Variants in RFX6 observed in about 807,000 individuals in gnomAD.
The protein encoded by RFX6 is regulatory factor X6, also known as DNA-binding protein RFX6.
A neutral mutation model predicts 110.8 loss-of-function variants in RFX6; 50 were observed. The observed-to-expected ratio is 0.45, with a 90% CI of 0.36 to 0.57. The LOEUF (loss-of-function observed/expected upper bound fraction) is 0.57. RFX6 is among the 20% of genes least tolerant of loss of function. The probability of loss-of-function intolerance (pLI) is 0.00; values close to 1 mark genes in which losing one functional copy is unlikely to be tolerated. For synonymous variants in RFX6, 383 were observed against 411.2 expected, an observed-to-expected ratio of 0.93 and a Z score of 0.83; for missense variants, 990 against 1,127.0, an observed-to-expected ratio of 0.88 and a Z score of 1.74.
chr6:116,916,217 TAC>T lies in RFX6; in HGVS notation c.878_879del (p.His293LeufsTer7), dbSNP rs762966411. ...TGCAACTAGATCCAGCATTTTTTAT[TAC>T]ACTTTTGGCAAGGAATGCCTGACCA... On this transcript the variant is annotated frameshift_variant, in exon 9 of 19. Coordinates refer to ENST00000332958, the MANE Select transcript of RFX6 (RefSeq NM_173560.4). LOFTEE classifies it high-confidence loss of function. 117 of 1,612,684 alleles carry T rather than the reference TAC, an allele frequency of 7.3e-5. No individual in the cohort carries two copies. The highest frequency in any genetic ancestry group is 1.7e-6 in the Non-Finnish European group (2 of 1,178,950).
chr6:116,926,993 G>T lies in RFX6; in HGVS notation c.1886-34G>T. 3 of 1,574,702 alleles carry T rather than the reference G, an allele frequency of 1.9e-6. No individual in the cohort carries two copies. In the South Asian group the frequency reaches 3.3e-5, roughly 17 times the overall value. On this transcript the variant is annotated intron_variant, in intron 16 of 18. Transcript: ENST00000332958. ...GATGTGAGCTCATCTACTTTAATAT[G>T]ACACTAAAGGAATGTTCTGGTGATT...
At chr6:116,900,574 A>G (rs1284383672) in intron 6 of RFX6, among the ~76,000 whole-genome samples, 12 of 151,936 alleles carry the variant, frequency 7.9e-5, no homozygotes, top group Non-Finnish European at 1.3e-4. Flanking sequence ...TTTTTATTTC[A>G]TAGTGAAATC....
intron 3 of RFX6, among the ~76,000 whole-genome samples, chr6:116,881,171 A>G (rs1393568400): frequency 1.3e-5 from 2 of 152,090 alleles, no homozygotes; most frequent in East Asian, 3.8e-4. Context: ...TCATTTAAAA[A>G]TATTTCTTTC....
rs1277792300 is a variant in RFX6, at chr6:116,905,365, C to T, written c.673-5570C>T. 5.3e-5 allele frequency among the ~76,000 whole-genome samples: 8 copies of T among 151,970 alleles called. No individual in the cohort carries two copies. The East Asian group carries it at 1.5e-3, about 29-fold the overall frequency. ...TCTCTAGAGAAGTGTATATCAAGTC[C>T]TTTGCCCATTATGAATCATTTTGTT... is the stretch of plus-strand genomic sequence containing the variant. On this transcript the variant is annotated intron_variant, in intron 6 of 18. Transcript: ENST00000332958.
At chr6:116,926,682 A>C (rs1775742324) in intron 16 of RFX6, among the ~76,000 whole-genome samples, 1 of 152,176 alleles carries the variant, frequency 6.6e-6, no homozygotes. Flanking sequence ...TTTACCCTAA[A>C]AATCAAACAG....
At chr6:116,895,645 TACACACACACACACAC>T (rs146991192) in intron 6 of RFX6, among the ~76,000 whole-genome samples, 1 of 147,834 alleles carries the variant, frequency 6.8e-6, no homozygotes, top group African/African-American at 2.5e-5. Context: ...CTACTTTGTG[TACACACACACACACAC>T]ACACACACAC....
intron 6 of RFX6, among the ~76,000 whole-genome samples, chr6:116,902,748 G>A (rs1051146385): frequency 6.6e-5 from 10 of 151,892 alleles, no homozygotes; most frequent in Non-Finnish European, 1.3e-4. Context: ...AACATCAACC[G>A]TTCACAGCCA....
At position 116,927,496 on chromosome 6, in the gene RFX6, T is replaced by C; in HGVS notation, c.2355T>C (p.Ala785=). The change falls in exon 17 of 19, where the codon GCT becomes GCC. Residue 785 remains alanine (A), a synonymous_variant. Coordinates refer to ENST00000332958, the MANE Select transcript of RFX6 (RefSeq NM_173560.4). ...TCAATTTCTTGAGCAACACAGGAGCTGCCAGCTGCCAAGGAGCAACACTGC... is the reference window on the plus strand; with the variant it reads ...TCAATTTCTTGAGCAACACAGGAGCCGCCAGCTGCCAAGGAGCAACACTGC... The part of the protein sequence containing the change: ...GSFNFLSNTG[A]ASCQGATLPP... The C allele has an allele frequency of 6.2e-7, 1 of 1,614,030 alleles. No individual in the cohort carries two copies. The highest frequency in any genetic ancestry group is 8.5e-7 in the Non-Finnish European group (1 of 1,179,986).
chr6:116,919,343 A>G (rs1253700459), intron 11 of RFX6, 47 bp downstream of exon 11: 1 of 1,548,378 alleles, frequency 6.5e-7, no homozygotes, highest in Non-Finnish European at 8.9e-7. Context: ...CATATAAAAA[A>G]TGAATCTTCT....
At position 116,882,339 on chromosome 6, in the gene RFX6, C is replaced by T. The variant is rs369850417; in HGVS notation, c.505-28C>T. On this transcript the variant is annotated intron_variant, in intron 3 of 18. Transcript: ENST00000332958. Reference sequence around the variant, plus strand: ...TGCATTAGGACCATATACTTTCTAACGCCTAAAGTAATCATCTTTCTTTTT... The same window carrying T: ...TGCATTAGGACCATATACTTTCTAATGCCTAAAGTAATCATCTTTCTTTTT... 51 of 1,575,706 alleles carry T rather than the reference C, an allele frequency of 3.2e-5. No individual in the cohort carries two copies. The Admixed American group carries it at 4.2e-4, about 13-fold the overall frequency.
At chr6:116,900,509 C>T (rs890205862) in intron 6 of RFX6, among the ~76,000 whole-genome samples, 2 of 152,078 alleles carry the variant, frequency 1.3e-5, no homozygotes, top group Non-Finnish European at 2.9e-5. Context: ...CCTACCTCAG[C>T]CTTCCAAAGT....
chr6:116,913,956 C>T (rs1775409882), intron 7 of RFX6, among the ~76,000 whole-genome samples: 1 of 152,164 alleles, frequency 6.6e-6, no homozygotes, highest in Admixed American at 6.5e-5. Flanking sequence ...TCTCTTCTAG[C>T]TACTTTGAAT....
At position 116,932,003 on chromosome 6, in the gene RFX6, C is replaced by T. The variant is rs999177023; in HGVS notation, c.*497C>T. On this transcript the variant is annotated 3_prime_UTR_variant, in exon 19 of 19. Transcript: ENST00000332958. ...AGGTCAAGACTTAATTCAATTCAGA[C>T]AAGACCAAAGTTGCTTGACTTCAAT... 3 of 157,418 alleles carry T rather than the reference C, an allele frequency of 1.9e-5. No individual in the cohort carries two copies. Among genetic ancestry groups the T allele is most frequent in the Admixed American group, 1.9e-4 (3 of 16,068 alleles). 9.8% of individuals were successfully genotyped at this position (157,418 alleles called of 1,614,324 possible). A position where few individuals can be genotyped will look rare whatever the true frequency, so the allele number is the denominator to read the frequency against.
intron 4 of RFX6, chr6:116,885,093 G>C (rs1014764295): frequency 3.3e-5 from 5 of 151,932 alleles, no homozygotes; most frequent in Admixed American, 6.6e-5. Flanking sequence ...CTTTTATCTT[G>C]GAAGATAGAA....
At chr6:116,911,306 T>C (rs978553408) in intron 7 of RFX6, among the ~76,000 whole-genome samples, 2 of 152,226 alleles carry the variant, frequency 1.3e-5, no homozygotes, top group Non-Finnish European at 1.5e-5. Flanking sequence ...TAAAGCTCTA[T>C]TGAAGAAGAA....
chr6:116,887,534 T>C (rs764894001), intron 4 of RFX6, among the ~76,000 whole-genome samples: 1 of 152,228 alleles, frequency 6.6e-6, no homozygotes, highest in Non-Finnish European at 1.5e-5. Context: ...TACACCTGGT[T>C]TTATTATCTG....
intron 6 of RFX6, among the ~76,000 whole-genome samples, chr6:116,896,933 AACAGATG>A (rs1399553219): frequency 1.3e-5 from 2 of 152,204 alleles, no homozygotes; most frequent in Non-Finnish European, 2.9e-5. Context: ...GATATTAATT[AACAGATG>A]TATTACATTA....
Position 116,877,641 on chromosome 6 carries a change from T to C in RFX6, c.223+143T>C. 2.8e-6 allele frequency: 3 copies of C among 1,053,972 alleles called. No homozygotes were observed. The Admixed American group carries it at 7.3e-5, about 26-fold the overall frequency. 65.3% of individuals were successfully genotyped at this position (1,053,972 alleles called of 1,614,324 possible). ...AAATCTTTGTATTTCCTCAGTAAAA[T>C]GTCAAGTAGAGACCTGACATTTTGC... is the stretch of plus-strand genomic sequence containing the variant. On this transcript the variant is annotated intron_variant, in intron 1 of 18. Transcript: ENST00000332958.
chr6:116,894,107 T>G (rs777711667), intron 5 of RFX6, 43 bp downstream of exon 5: 1 of 993,928 alleles, frequency 1.0e-6, no homozygotes, highest in Non-Finnish European at 1.6e-6. Context: ...TGTGTTTCTT[T>G]AAATATGCAT....
Sources: gnomAD v4.1 joint callset for allele counts (sites outside exome capture counted in the v4.1 genomes callset) on GRCh38, gnomAD v4.1.1 for gene constraint, MANE v1.5 for transcripts, NCBI Gene and HGNC (gene_info 2026-07-23, HGNC 2026-07-21) for gene names.